The following MYO5C variants were observed in gnomAD, a reference collection of about 807,000 sequenced individuals.
The protein encoded by MYO5C is myosin VC.
A neutral mutation model predicts 235.7 loss-of-function variants in MYO5C; 194 were observed. That is an observed-to-expected ratio of 0.82 (90% CI 0.73 to 0.93). The LOEUF is 0.93. Ranked by LOEUF, MYO5C falls within the 40% of genes least tolerant of loss-of-function variation. The pLI is 0.00. For synonymous variants in MYO5C, 707 were observed against 754.8 expected (o/e 0.94, Z 1.04); for missense variants, 2,038 against 2,127.2 (o/e 0.96, Z 0.82).
chr15:52,295,598 G>A lies in MYO5C; in HGVS notation c.27+12C>T. The A allele has an allele frequency of 1.3e-6, 2 of 1,499,106 alleles. No individual in the cohort carries two copies. The highest frequency in any genetic ancestry group is 8.9e-7 in the Non-Finnish European group (1 of 1,126,668). The allele number at this position is 1,499,106 out of a possible 1,614,324, so 92.9% of individuals were successfully genotyped here. A position where few individuals can be genotyped will look rare whatever the true frequency, so the allele number is the denominator to read the frequency against. ...CCCACAGCGCTCCCAGGAGCCCAGC[G>A]GACCCTCCTACCTGCGTGTACAGCT... On this transcript the variant is annotated intron_variant, in intron 1 of 40. Transcript: ENST00000261839.
At chr15:52,246,805 A>C in intron 16 of MYO5C, 112 bp downstream of exon 16, 2 of 822,846 alleles carry the variant, frequency 2.4e-6, no homozygotes. Flanking sequence ...TGAATCATTA[A>C]AAAAAAACCC....
intron 19 of MYO5C, among the ~76,000 whole-genome samples, chr15:52,244,116 C>T (rs569779506): frequency 6.6e-6 from 1 of 152,324 alleles, no homozygotes; most frequent in Non-Finnish European, 1.5e-5. Context: ...ACCAGCGCTT[C>T]CTCCCTGCAG....
At chr15:52,208,672 G>T (rs1279801607) in intron 35 of MYO5C, 29 bp from the exon 36 acceptor site, 1 of 1,591,932 alleles carries the variant, frequency 6.3e-7, no homozygotes, top group South Asian at 1.1e-5. Context: ...GACAAAATTG[G>T]TCTTGATGAT....
intron 8 of MYO5C, 65 bp downstream of exon 8, chr15:52,269,688 G>T: frequency 1.8e-6 from 2 of 1,082,640 alleles, no homozygotes; most frequent in Non-Finnish European, 2.8e-6. Flanking sequence ...ACCACGCCTG[G>T]CCTTAATTTT....
chr15:52,272,763 A>T (rs1264348732), intron 5 of MYO5C, 40 bp from the exon 6 acceptor site: 3 of 1,601,654 alleles, frequency 1.9e-6, no homozygotes. Flanking sequence ...CAACATTAAA[A>T]GATTTTTGCC....
rs890429452 is a variant in MYO5C at position 52,239,773 on chromosome 15, G to A, written c.2663C>T (p.Thr888Ile). The change falls in exon 21 of 41, where the codon ACT becomes ATT. Residue 888 changes from threonine to isoleucine, a missense_variant. Transcript: ENST00000261839. ...TTTCTGCAAACGCTGGACCCTGTAA[G>A]TAAGCTGAATATTAAGCACGAATCG... is the stretch of plus-strand genomic sequence containing the variant. ...IRRFVLNIQL[T>I]YRVQRLQKKL... 2.5e-6 allele frequency: 4 copies of A among 1,612,760 alleles called. No individual in the cohort carries two copies. The highest frequency in any genetic ancestry group is 2.7e-5 in the African/African-American group (2 of 74,910).
chr15:52,267,926 C>G (rs2036846388), intron 8 of MYO5C, among the ~76,000 whole-genome samples: 1 of 152,104 alleles, frequency 6.6e-6, no homozygotes, highest in Non-Finnish European at 1.5e-5. Context: ...CGCACCAAGC[C>G]CCCTCTCCAT....
chr15:52,266,799 C>T (rs914117297), intron 8 of MYO5C, among the ~76,000 whole-genome samples: 2 of 152,208 alleles, frequency 1.3e-5, no homozygotes, highest in South Asian at 2.1e-4. Context: ...TCCCTGATGA[C>T]CTCGTGCAAG....
chr15:52,264,375 G>A (rs1390690740), intron 8 of MYO5C, 79 bp from the exon 9 acceptor site: 1 of 1,121,630 alleles, frequency 8.9e-7, no homozygotes, highest in Non-Finnish European at 1.3e-6. Flanking sequence ...ATTCATTCAA[G>A]ATATGCAGGT....
intron 1 of MYO5C, among the ~76,000 whole-genome samples, chr15:52,295,382 C>A (rs1025164114): frequency 6.6e-6 from 1 of 152,178 alleles, no homozygotes. Context: ...GGGGGCTTAC[C>A]CGCGGGCAGG....
At chr15:52,201,237 A>G (rs2035180730) in intron 38 of MYO5C, among the ~76,000 whole-genome samples, 1 of 152,218 alleles carries the variant, frequency 6.6e-6, no homozygotes, top group African/African-American at 2.4e-5. Context: ...GACACATCAC[A>G]AACTATGGAA....
rs945589681 is a variant in MYO5C at position 52,279,129 on chromosome 15, T to C, written c.305-112A>G. ...TCGCTTATTAAACCTTCTGTGTGACTTTGGGCAAGTCACTTCACGCACTGA... is the reference window on the plus strand; with the variant it reads ...TCGCTTATTAAACCTTCTGTGTGACCTTGGGCAAGTCACTTCACGCACTGA... On this transcript the variant is annotated intron_variant, in intron 3 of 40. Coordinates refer to ENST00000261839, the MANE Select transcript of MYO5C (RefSeq NM_018728.4). 4.3e-6 allele frequency: 5 copies of C among 1,161,464 alleles called. No individual in the cohort carries two copies. The Admixed American group carries it at 9.3e-5, about 22-fold the overall frequency. 71.9% of individuals were successfully genotyped at this position (1,161,464 alleles called of 1,614,324 possible).
At chr15:52,245,906 A>G (rs1285299570) in intron 17 of MYO5C, 50 bp downstream of exon 17, 1 of 1,522,512 alleles carries the variant, frequency 6.6e-7, no homozygotes, top group African/African-American at 1.4e-5. Flanking sequence ...TTCTCAGCAT[A>G]GCTCTGATGT....
intron 35 of MYO5C, among the ~76,000 whole-genome samples, chr15:52,211,354 GGAA>G (rs1390495776): frequency 1.3e-5 from 2 of 152,282 alleles, no homozygotes; most frequent in African/African-American, 2.4e-5. Context: ...TGTGCTTTTA[GGAA>G]GAAGAATTAT....
At chr15:52,272,457 TG>T in intron 6 of MYO5C, 122 bp downstream of exon 6, 1 of 940,172 alleles carries the variant, frequency 1.1e-6, no homozygotes, top group Non-Finnish European at 1.6e-6. Flanking sequence ...AAACTGCAAA[TG>T]AAAGACAAGA....
intron 8 of MYO5C, among the ~76,000 whole-genome samples, chr15:52,266,077 C>T (rs1266336645): frequency 6.6e-6 from 1 of 152,216 alleles, no homozygotes; most frequent in Non-Finnish European, 1.5e-5. Context: ...TCCATTCTGG[C>T]ACTCCTCCCT....
intron 1 of MYO5C, among the ~76,000 whole-genome samples, chr15:52,294,097 T>C (rs2037449420): frequency 6.6e-6 from 1 of 152,216 alleles, no homozygotes; most frequent in Admixed American, 6.5e-5. Flanking sequence ...TCCTATCAGT[T>C]TTCTTACATT....
intron 1 of MYO5C, among the ~76,000 whole-genome samples, chr15:52,283,952 G>A (rs2037210867): frequency 6.6e-6 from 1 of 152,078 alleles, no homozygotes; most frequent in Non-Finnish European, 1.5e-5. Flanking sequence ...TGGGATTACA[G>A]GCATGAGCCA....
At chr15:52,225,784 TCA>T (rs1429540535) in intron 25 of MYO5C, among the ~76,000 whole-genome samples, 4 of 152,046 alleles carry the variant, frequency 2.6e-5, no homozygotes, top group Non-Finnish European at 5.9e-5. Flanking sequence ...GCATGGTGGC[TCA>T]CACCTGTAAT....
Sources: gnomAD v4.1 joint callset for allele counts (sites outside exome capture counted in the v4.1 genomes callset) on GRCh38, gnomAD v4.1.1 for gene constraint, MANE v1.5 for transcripts, NCBI Gene and HGNC (gene_info 2026-07-23, HGNC 2026-07-21) for gene names.